The following CTIF variants were observed in gnomAD, a reference collection of about 807,000 sequenced individuals.
The protein encoded by CTIF is cap binding complex dependent translation initiation factor.
CTIF carries 21 observed loss-of-function variants against 66.0 expected under a neutral mutation model. The observed-to-expected ratio is 0.32, with a 90% confidence interval of 0.23 to 0.46. The LOEUF is 0.46. Among genes scored for constraint, CTIF ranks in the 20% least tolerant of loss-of-function variants. The probability of loss-of-function intolerance (pLI) is 1.00; values close to 1 mark genes in which losing one functional copy is unlikely to be tolerated. For synonymous variants in CTIF, 345 were observed against 326.4 expected (o/e 1.06, Z -0.62); for missense variants, 739 against 812.7 (o/e 0.91, Z 1.10).
intron 10 of CTIF, among the ~76,000 whole-genome samples, chr18:48,853,712 A>G (rs1478495658): frequency 6.6e-6 from 1 of 152,190 alleles, no homozygotes; most frequent in Non-Finnish European, 1.5e-5. Flanking sequence ...CCTGCACCCT[A>G]GTTTGGCCTG....
chr18:48,782,398 C>T (rs1443477398), intron 9 of CTIF, among the ~76,000 whole-genome samples: 1 of 152,156 alleles, frequency 6.6e-6, no homozygotes, highest in Non-Finnish European at 1.5e-5. Flanking sequence ...GAGCCTCTGC[C>T]ACCCAAGGAA....
At chr18:48,558,336 C>T (rs947589602) in intron 1 of CTIF, among the ~76,000 whole-genome samples, 91 of 152,232 alleles carry the variant, frequency 6.0e-4, no homozygotes, top group Non-Finnish European at 6.5e-4. Flanking sequence ...AATAAAAAGT[C>T]AGTACAAGGT....
intron 5 of CTIF, among the ~76,000 whole-genome samples, chr18:48,664,844 CA>C (rs2091409400): frequency 1.3e-5 from 2 of 151,966 alleles, no homozygotes; most frequent in African/African-American, 2.4e-5. Flanking sequence ...GGCGGTGGCA[CA>C]GAGGACAGGC....
intron 1 of CTIF, among the ~76,000 whole-genome samples, chr18:48,543,820 G>A (rs1467291900): frequency 1.3e-5 from 2 of 152,188 alleles, no homozygotes; most frequent in Non-Finnish European, 2.9e-5. Flanking sequence ...CAAAGAGTGA[G>A]AACTCTTTAT....
At chr18:48,639,504 G>A (rs1402490330) in intron 3 of CTIF, among the ~76,000 whole-genome samples, 1 of 152,178 alleles carries the variant, frequency 6.6e-6, no homozygotes, top group Non-Finnish European at 1.5e-5. Context: ...GCACCTCCTG[G>A]ATGGATGGCC....
chr18:48,775,432 C>A (rs111436474), intron 9 of CTIF, among the ~76,000 whole-genome samples: 1 of 152,216 alleles, frequency 6.6e-6, no homozygotes, highest in African/African-American at 2.4e-5. Flanking sequence ...GAGATGCCCA[C>A]GCAGAGATTC....
At chr18:48,814,004 T>G (rs1158232478) in intron 9 of CTIF, among the ~76,000 whole-genome samples, 1 of 152,198 alleles carries the variant, frequency 6.6e-6, no homozygotes, top group Non-Finnish European at 1.5e-5. Flanking sequence ...GGCTGAAGCC[T>G]CAAGCTACCC....
At chr18:48,558,299 A>C (rs1212257304) in intron 1 of CTIF, among the ~76,000 whole-genome samples, 1 of 152,278 alleles carries the variant, frequency 6.6e-6, no homozygotes, top group Non-Finnish European at 1.5e-5. Context: ...GGGAGTATTC[A>C]GTATTGCTCT....
intron 9 of CTIF, among the ~76,000 whole-genome samples, chr18:48,773,952 A>C (rs1015157414): frequency 6.6e-6 from 1 of 152,160 alleles, no homozygotes; most frequent in Non-Finnish European, 1.5e-5. Flanking sequence ...CTCCGCTCTA[A>C]GAGTATTTAT....
chr18:48,635,327 C>CTTTTTTTTTTTTTTTTTTTTTCT (rs561455888), intron 2 of CTIF, among the ~76,000 whole-genome samples: 1 of 113,378 alleles, frequency 8.8e-6, no homozygotes, highest in Non-Finnish European at 1.9e-5. Context: ...CTTTTTCTTT[C>CTTTTTTTTTTTTTTTTTTTTTCT]TTTTTTTTTT....
chr18:48,640,745 C>T (rs1360826143), intron 3 of CTIF, among the ~76,000 whole-genome samples: 1 of 152,222 alleles, frequency 6.6e-6, no homozygotes, highest in East Asian at 1.9e-4. Flanking sequence ...GGGCCCAGGG[C>T]CCAGATGTGG....
intron 9 of CTIF, among the ~76,000 whole-genome samples, chr18:48,781,482 G>C (rs952545361): frequency 6.6e-6 from 1 of 152,208 alleles, no homozygotes; most frequent in African/African-American, 2.4e-5. Context: ...TGGAGGAAAC[G>C]GGCTGGAGAG....
chr18:48,750,660 G>C (rs374201992), intron 7 of CTIF, among the ~76,000 whole-genome samples: 1 of 152,196 alleles, frequency 6.6e-6, no homozygotes, highest in East Asian at 1.9e-4. Flanking sequence ...GCCAAGGCTG[G>C]CTGGCCGGAT....
rs142610978 is a variant in CTIF at position 48,739,468 on chromosome 18, C to G, written c.585-18451C>G. Among the ~76,000 whole-genome samples the G allele has an allele frequency of 8.4e-3, 1,286 of 152,306 alleles. 25 individuals carry two copies. The highest frequency in any genetic ancestry group is 0.029 in the African/African-American group (1,209 of 41,562). ...CCTGGTGGGGTGTGGTGGGACGCGCCACAGTACAAACCCTGCTCTGGCCCT... is the reference window on the plus strand; with the variant it reads ...CCTGGTGGGGTGTGGTGGGACGCGCGACAGTACAAACCCTGCTCTGGCCCT... On this transcript the variant is annotated intron_variant, in intron 7 of 11. Coordinates refer to ENST00000256413, the MANE Select transcript of CTIF (RefSeq NM_014772.3).
intron 1 of CTIF, among the ~76,000 whole-genome samples, chr18:48,540,951 C>T (rs543996166): frequency 6.6e-6 from 1 of 152,252 alleles, no homozygotes; most frequent in East Asian, 1.9e-4. Context: ...CCCAGGTCCG[C>T]TGTGCGGCCG....
chr18:48,788,476 A>G (rs1173874948), intron 9 of CTIF, among the ~76,000 whole-genome samples: 1 of 152,148 alleles, frequency 6.6e-6, no homozygotes, highest in Non-Finnish European at 1.5e-5. Context: ...TTTTAGTGCC[A>G]GCAGTGAATC....
At chr18:48,710,460 A>G (rs2092211644) in intron 6 of CTIF, among the ~76,000 whole-genome samples, 1 of 151,858 alleles carries the variant, frequency 6.6e-6, no homozygotes, top group African/African-American at 2.4e-5. Context: ...AAGCCTTGGT[A>G]CCCCCTACTC....
chr18:48,704,498 C>A (rs2092125771), intron 6 of CTIF, among the ~76,000 whole-genome samples: 1 of 152,196 alleles, frequency 6.6e-6, no homozygotes, highest in Non-Finnish European at 1.5e-5. Context: ...CAAAGGACCG[C>A]AAACTGGGTG....
rs570725502 is a variant in CTIF, at chr18:48,773,613, G to A, written c.1371+11924G>A. Among the ~76,000 whole-genome samples, 470 of 152,330 alleles carry A rather than the reference G, an allele frequency of 3.1e-3. 3 individuals carry two copies. The highest frequency in any genetic ancestry group is 4.3e-3 in the Non-Finnish European group (293 of 68,008). On this transcript the variant is annotated intron_variant, in intron 9 of 11. Transcript: ENST00000256413. The stretch of plus-strand genomic sequence containing the variant: ...CAAGTCAGTGGGCATCTTCGAACCA[G>A]AGCCCCTGGGTGAGCAGGCTTCCCC...
Sources: allele counts gnomAD v4.1 joint callset (sites outside exome capture counted in the v4.1 genomes callset), GRCh38; gene constraint gnomAD v4.1.1; transcripts MANE v1.5; gene names NCBI Gene and HGNC (gene_info 2026-07-23, HGNC 2026-07-21).